CPHXL2: variants seen among roughly 807,000 people sequenced by gnomAD.
CPHXL2 encodes cytoplasmic polyadenylated homeobox-like protein 2.
At chr16:75,670,664 T>A in the CPHXL2 span, among the ~76,000 whole-genome samples, 2 of 151,898 alleles carry the variant, frequency 1.3e-5, no homozygotes, top group Non-Finnish European at 2.9e-5. Context: ...CTCAGCTAAT[T>A]TTTGTATTTT....
the CPHXL2 span, among the ~76,000 whole-genome samples, chr16:75,667,766 T>G: frequency 1.3e-5 from 2 of 152,234 alleles, no homozygotes; most frequent in Non-Finnish European, 2.9e-5. Context: ...CTCTTAGTAT[T>G]TCCACTTGTA....
At chr16:75,665,656 A>T in the CPHXL2 span, among the ~76,000 whole-genome samples, 1 of 152,218 alleles carries the variant, frequency 6.6e-6, no homozygotes, top group African/African-American at 2.4e-5. Context: ...TGAGGTCAAG[A>T]GTTTGAGACT....
the CPHXL2 span, chr16:75,660,388 G>C: frequency 2.5e-6 from 1 of 398,722 alleles, no homozygotes; most frequent in Non-Finnish European, 4.4e-6. Flanking sequence ...AGAGGCAGCA[G>C]GGGTGAGTTG....
the CPHXL2 span, among the ~76,000 whole-genome samples, chr16:75,676,555 C>G: frequency 2.0e-5 from 3 of 152,172 alleles, no homozygotes; most frequent in Non-Finnish European, 2.9e-5. Context: ...CTTCTGGACT[C>G]AAGCTATCCT....
the CPHXL2 span, among the ~76,000 whole-genome samples, chr16:75,665,535 A>G: frequency 6.6e-6 from 1 of 152,234 alleles, no homozygotes; most frequent in Non-Finnish European, 1.5e-5. Context: ...AGCCTTTTAA[A>G]GCATAAATCT....
chr16:75,676,022 TGAGCCGA>T, the CPHXL2 span, among the ~76,000 whole-genome samples: 1 of 151,778 alleles, frequency 6.6e-6, no homozygotes, highest in Non-Finnish European at 1.5e-5. Context: ...GAGGTTGCAG[TGAGCCGA>T]GATCGCGCCA....
chr16:75,676,196 C>G, the CPHXL2 span, among the ~76,000 whole-genome samples: 11 of 152,278 alleles, frequency 7.2e-5, no homozygotes, highest in South Asian at 1.2e-3. Flanking sequence ...CATGCTTCAA[C>G]TGTTTTCAAA....
At chr16:75,662,707 A>G in the CPHXL2 span, among the ~76,000 whole-genome samples, 2 of 152,046 alleles carry the variant, frequency 1.3e-5, no homozygotes, top group Non-Finnish European at 1.5e-5. Context: ...ATATGCAAAT[A>G]CCCAAATTAT....
the CPHXL2 span, among the ~76,000 whole-genome samples, chr16:75,666,443 T>C: frequency 6.6e-6 from 1 of 151,818 alleles, no homozygotes; most frequent in East Asian, 1.9e-4. Context: ...AATAAGTCTC[T>C]ACTGAAAACA....
the CPHXL2 span, chr16:75,660,580 G>A: frequency 1.0e-5 from 4 of 398,476 alleles, no homozygotes; most frequent in Non-Finnish European, 1.8e-5. Context: ...TGAGGCTGTT[G>A]GTGCTGCTGT....
the CPHXL2 span, among the ~76,000 whole-genome samples, chr16:75,663,985 G>A: frequency 0.028 from 4,327 of 151,844 alleles, 198 homozygotes; most frequent in African/African-American, 0.095. Context: ...GGCTTCATCA[G>A]CATGACAACA....
the CPHXL2 span, among the ~76,000 whole-genome samples, chr16:75,673,075 C>CAAAAAAAAAAAAAAAAAA: frequency 2.7e-5 from 2 of 73,174 alleles, no homozygotes; most frequent in African/African-American, 5.5e-5. Context: ...GACCTTGTCT[C>CAAAAAAAAAAAAAAAAAA]AAAAAAAAAA....
chr16:75,663,609 C>T, the CPHXL2 span, among the ~76,000 whole-genome samples: 7 of 152,004 alleles, frequency 4.6e-5, no homozygotes, highest in South Asian at 2.1e-4. Context: ...ACAAGGTTGG[C>T]GCGGTGGCTC....
the CPHXL2 span, among the ~76,000 whole-genome samples, chr16:75,661,426 T>C: frequency 1.3e-5 from 2 of 152,180 alleles, no homozygotes; most frequent in African/African-American, 4.8e-5. Flanking sequence ...ACTGCACATA[T>C]GATACCGGAG....
At chr16:75,675,845 G>C in the CPHXL2 span, among the ~76,000 whole-genome samples, 2 of 152,284 alleles carry the variant, frequency 1.3e-5, no homozygotes, top group South Asian at 4.1e-4. Context: ...TTGGGAGACC[G>C]AGGTGGGTGG....
At chr16:75,669,613 C>T in the CPHXL2 span, 2 of 398,022 alleles carry the variant, frequency 5.0e-6, no homozygotes, top group Non-Finnish European at 8.9e-6. Context: ...ATAACCAGAC[C>T]AAAGAAGAGT....
At chr16:75,661,282 T>G in the CPHXL2 span, 11 of 400,552 alleles carry the variant, frequency 2.7e-5, no homozygotes, top group African/African-American at 2.1e-4. Context: ...TATTATCAAA[T>G]CTACTTCTCT....
At chr16:75,663,426 G>GC in the CPHXL2 span, among the ~76,000 whole-genome samples, 1 of 152,010 alleles carries the variant, frequency 6.6e-6, no homozygotes, top group Admixed American at 6.6e-5. Flanking sequence ...CAATTCTAAG[G>GC]CCCCCTAACC....
chr16:75,672,182 G>A, the CPHXL2 span, among the ~76,000 whole-genome samples: 2 of 151,896 alleles, frequency 1.3e-5, no homozygotes, highest in African/African-American at 4.8e-5. Context: ...AGGTGGCTGA[G>A]GCAGGAGAAT....
Sources: gnomAD v4.1 joint callset for allele counts (sites outside exome capture counted in the v4.1 genomes callset) on GRCh38, gnomAD v4.1.1 for gene constraint, MANE v1.5 for transcripts, NCBI Gene and HGNC (gene_info 2026-07-23, HGNC 2026-07-21) for gene names.